PTPRN2: variants seen among roughly 807,000 people sequenced by gnomAD.
PTPRN2 encodes protein tyrosine phosphatase receptor type N2.
PTPRN2 carries 74 observed loss-of-function variants against 118.8 expected under a neutral mutation model. That is an observed-to-expected ratio of 0.62 (90% confidence interval 0.52 to 0.76). The LOEUF (loss-of-function observed/expected upper bound fraction) is 0.76, where lower values mean the gene tolerates loss of function less well. PTPRN2 is among the 30% of genes least tolerant of loss of function. PTPRN2 has a pLI of 0.00. For missense variants in PTPRN2, 1,481 were observed against 1,394.4 expected, an observed-to-expected ratio of 1.06 and a Z score of -0.99; for synonymous variants, 641 against 608.0, an observed-to-expected ratio of 1.05 and a Z score of -0.80.
chr7:158,567,534 C>A (rs905527448), intron 1 of PTPRN2, among the ~76,000 whole-genome samples: 23 of 152,236 alleles, frequency 1.5e-4, no homozygotes, highest in African/African-American at 5.3e-4. Flanking sequence ...GTTCCTGCCA[C>A]GTGCTACGCC....
At chr7:158,487,279 G>T (rs1482531298) in intron 2 of PTPRN2, among the ~76,000 whole-genome samples, 1 of 152,058 alleles carries the variant, frequency 6.6e-6, no homozygotes, top group Non-Finnish European at 1.5e-5. Flanking sequence ...TGTGTTATGG[G>T]GTACGTACCC....
rs116592874 is a variant in PTPRN2, at chr7:157,587,836, C to A, written c.2496+7402G>T. On this transcript the variant is annotated intron_variant, in intron 17 of 22. Transcript: ENST00000389418. The surrounding 1 kb of genome is among the most constrained non-coding windows in gnomAD (Gnocchi z 5.3). ...CTCCCATACAGGGAGCCAGTTCCCACGGTGGCTGTCCCCATGCCTGGGCTC... is the reference window on the plus strand; with the variant it reads ...CTCCCATACAGGGAGCCAGTTCCCAAGGTGGCTGTCCCCATGCCTGGGCTC... Among the ~76,000 whole-genome samples, 1 of 152,272 alleles carries A rather than the reference C, an allele frequency of 6.6e-6. No individual in the cohort carries two copies. The highest frequency in any genetic ancestry group is 2.1e-4 in the South Asian group (1 of 4,812).
At chr7:157,588,785 T>C (rs1395919950) in intron 17 of PTPRN2, among the ~76,000 whole-genome samples, 1 of 152,142 alleles carries the variant, frequency 6.6e-6, no homozygotes, top group Non-Finnish European at 1.5e-5. Flanking sequence ...TCTTTATCTG[T>C]GAGGAGTGTG....
At chr7:157,621,755 A>T (rs1803265660) in intron 14 of PTPRN2, among the ~76,000 whole-genome samples, 1 of 152,084 alleles carries the variant, frequency 6.6e-6, no homozygotes, top group South Asian at 2.1e-4. Context: ...GGTGTTTGGG[A>T]ATCAGTTTAC....
In PTPRN2 at chr7:157,719,684, C is replaced by T. The variant is rs541481602; in HGVS notation, c.1789-36747G>A. 8.9e-4 allele frequency among the ~76,000 whole-genome samples: 135 copies of T among 152,306 alleles called. No homozygotes were observed. In the South Asian group the frequency reaches 9.4e-3, roughly 11 times the overall value. On this transcript the variant is annotated intron_variant, in intron 12 of 22. Transcript: ENST00000389418. ...CCCCTCCAAGAGGAGCTCTGTATGC[C>T]GGGGGAGTGGGCTCGGCCCGCGGGA... is the stretch of plus-strand genomic sequence containing the variant.
chr7:158,261,955 C>T (rs369922187), intron 3 of PTPRN2, among the ~76,000 whole-genome samples: 33 of 152,340 alleles, frequency 2.2e-4, no homozygotes, highest in East Asian at 1.7e-3. Context: ...GTGGTGGCTG[C>T]GCCGTACTTC....
At chr7:158,313,199 C>G (rs1185169343) in intron 3 of PTPRN2, among the ~76,000 whole-genome samples, 3 of 152,168 alleles carry the variant, frequency 2.0e-5, no homozygotes, top group Non-Finnish European at 2.9e-5. Flanking sequence ...CTTCCAGAAG[C>G]CTGCATCCTG....
intron 21 of PTPRN2, among the ~76,000 whole-genome samples, chr7:157,558,455 C>G (rs751021993): frequency 6.6e-6 from 1 of 152,250 alleles, no homozygotes; most frequent in African/African-American, 2.4e-5. Context: ...TCAGAATCAA[C>G]AAGCATGTGC....
Position 157,614,723 on chromosome 7 carries a change from TG to T in PTPRN2, c.2344+6638del, listed in dbSNP as rs142754546. On this transcript the variant is annotated intron_variant, in intron 15 of 22. Coordinates refer to ENST00000389418, the MANE Select transcript of PTPRN2 (RefSeq NM_002847.5). ...CTCTAGAGAGGCCAGTAAGTGAAGG[TG>T]AGGTCCTGAGGGGGGGCCTAGTGCA... Among the ~76,000 whole-genome samples, 159 of 152,100 alleles carry T rather than the reference TG, an allele frequency of 1.0e-3. 1 individual carries two copies. Among genetic ancestry groups the T allele is most frequent in the African/African-American group, 3.7e-3 (152 of 41,496 alleles).
At chr7:158,062,089 C>T (rs1810391747) in intron 11 of PTPRN2, among the ~76,000 whole-genome samples, 1 of 152,278 alleles carries the variant, frequency 6.6e-6, no homozygotes, top group South Asian at 2.1e-4. Flanking sequence ...ACGCTGACTT[C>T]TGCAATAGCC....
intron 2 of PTPRN2, among the ~76,000 whole-genome samples, chr7:158,366,126 C>T (rs1025173729): frequency 9.1e-4 from 127 of 139,096 alleles, no homozygotes; most frequent in African/African-American, 1.4e-3. Context: ...CCAATGCACG[C>T]GTGCACATGC....
At chr7:157,864,550 T>C (rs918445435) in intron 12 of PTPRN2, 1 of 152,274 alleles carries the variant, frequency 6.6e-6, no homozygotes, top group Non-Finnish European at 1.5e-5. Context: ...CCTGTGCCAC[T>C]TTCTCCAAGG....
chr7:157,851,171 A>G (rs1488326636), intron 12 of PTPRN2, among the ~76,000 whole-genome samples: 15 of 152,166 alleles, frequency 9.9e-5, no homozygotes, highest in Non-Finnish European at 5.9e-5. Flanking sequence ...AGGGTTCTCT[A>G]ACGAGGGTGC....
At chr7:158,417,721 A>C (rs58151066) in intron 2 of PTPRN2, among the ~76,000 whole-genome samples, 1 of 15,732 alleles carries the variant, frequency 6.4e-5, no homozygotes, top group Admixed American at 9.8e-4. Context: ...TCAGTGTCCC[A>C]CTGTGTTAAG....
At chr7:157,588,192 G>T (rs1483739146) in intron 17 of PTPRN2, among the ~76,000 whole-genome samples, 1 of 152,228 alleles carries the variant, frequency 6.6e-6, no homozygotes, top group East Asian at 1.9e-4. Context: ...CCAGTGTTTG[G>T]TGGTGACACA....
chr7:158,006,459 C>T lies in PTPRN2; in HGVS notation c.1723+74839G>A, dbSNP rs563562218. Among the ~76,000 whole-genome samples, 6 of 152,326 alleles carry T rather than the reference C, an allele frequency of 3.9e-5. No homozygotes were observed. The South Asian group carries it at 1.0e-3, about 26-fold the overall frequency. On this transcript the variant is annotated intron_variant, in intron 11 of 22. Transcript: ENST00000389418. ...CAGCTGACCTCCTGCCATCCTGAGCCTCACAAGCTTGCTGGACACCTGCGG... is the reference window on the plus strand; with the variant it reads ...CAGCTGACCTCCTGCCATCCTGAGCTTCACAAGCTTGCTGGACACCTGCGG...
At chr7:157,756,794 A>G (rs896785245) in intron 12 of PTPRN2, among the ~76,000 whole-genome samples, 2 of 139,026 alleles carry the variant, frequency 1.4e-5, no homozygotes, top group Non-Finnish European at 3.1e-5. Flanking sequence ...GAAGGGAGGA[A>G]AAAAAAAAAA....
chr7:157,553,421 C>T (rs117151441), intron 21 of PTPRN2, among the ~76,000 whole-genome samples: 4,210 of 152,266 alleles, frequency 0.028, 85 homozygotes, highest in Non-Finnish European at 0.037. Flanking sequence ...GCTCTCCCTC[C>T]GCGTGCACTG....
chr7:157,555,916 C>G (rs1459925521), intron 21 of PTPRN2, among the ~76,000 whole-genome samples: 1 of 152,238 alleles, frequency 6.6e-6, no homozygotes. Context: ...GCTCCTCACT[C>G]ACCCAGGCTG....
Sources: allele counts gnomAD v4.1 joint callset (sites outside exome capture counted in the v4.1 genomes callset), GRCh38; gene constraint gnomAD v4.1.1; non-coding constraint Gnocchi (gnomAD v3.1); transcripts MANE v1.5; gene names NCBI Gene and HGNC (gene_info 2026-07-23, HGNC 2026-07-21).